CRYBA4: variants seen among roughly 807,000 people sequenced by gnomAD.
CRYBA4 encodes crystallin beta A4.
In CRYBA4, 30 loss-of-function variants were observed where a neutral mutation model predicts 31.7. The ratio of observed to expected loss-of-function variants is 0.95; its 90% CI spans 0.71 to 1.28. The LOEUF (loss-of-function observed/expected upper bound fraction) is 1.28. Among genes scored for constraint, CRYBA4 ranks in the 50% most tolerant of loss-of-function variants. CRYBA4 has a pLI of 0.00. For missense variants in CRYBA4, 225 were observed against 260.7 expected (o/e 0.86, Z 0.94); for synonymous variants, 102 against 102.3 (o/e 1.00, Z 0.02).
chr22:26,610,836 C>T, the CRYBA4 span, among the ~76,000 whole-genome samples: 1 of 152,164 alleles, frequency 6.6e-6, no homozygotes, highest in African/African-American at 2.4e-5. Context: ...GCACACTGAA[C>T]AAGGCAAACA....
upstream of CRYBA4, chr22:26,617,915 C>T (rs1243401243): frequency 6.5e-6 from 1 of 153,580 alleles, no homozygotes; most frequent in Non-Finnish European, 1.5e-5. Flanking sequence ...CTCCCTCTCT[C>T]TGTCTCCCTT....
the CRYBA4 span, chr22:26,599,618 C>T: frequency 6.2e-7 from 1 of 1,614,220 alleles, no homozygotes; most frequent in Non-Finnish European, 8.5e-7. Context: ...CGGAAGTCAC[C>T]AGGCTCTAGG....
chr22:26,624,025 G>A (rs1419347604), intron 3 of CRYBA4, among the ~76,000 whole-genome samples: 1 of 152,224 alleles, frequency 6.6e-6, no homozygotes, highest in Non-Finnish European at 1.5e-5. Flanking sequence ...ATTTATTTAA[G>A]TTTAAATTTA....
intron 4 of CRYBA4, 57 bp downstream of exon 4, chr22:26,625,679 C>T (rs928970452): frequency 1.1e-5 from 17 of 1,571,306 alleles, no homozygotes; most frequent in Middle Eastern, 1.8e-4. Flanking sequence ...GTGGGCACTT[C>T]GGAATCAAAG....
intron 3 of CRYBA4, among the ~76,000 whole-genome samples, chr22:26,624,494 TTGGAGTCACTTAA>T (rs1273765199): frequency 6.6e-6 from 1 of 152,184 alleles, no homozygotes; most frequent in Non-Finnish European, 1.5e-5. Context: ...GATAGGAGAT[TTGGAGTCACTTAA>T]TGCTACACCT....
chr22:26,594,186 C>G, the CRYBA4 span, among the ~76,000 whole-genome samples: 1 of 152,182 alleles, frequency 6.6e-6, no homozygotes, highest in African/African-American at 2.4e-5. Flanking sequence ...ATTCGTTGAT[C>G]CTAAGTATCT....
chr22:26,592,319 C>G, the CRYBA4 span, among the ~76,000 whole-genome samples: 2 of 152,218 alleles, frequency 1.3e-5, no homozygotes, highest in African/African-American at 4.8e-5. Context: ...GGCACAGATT[C>G]AGCAGCTAAC....
upstream of CRYBA4, among the ~76,000 whole-genome samples, chr22:26,620,923 C>T (rs759062549): frequency 3.3e-5 from 5 of 152,172 alleles, no homozygotes; most frequent in Non-Finnish European, 5.9e-5. Context: ...GGTGTGGCCA[C>T]TTTACAGGTC....
chr22:26,598,567 A>G, the CRYBA4 span, among the ~76,000 whole-genome samples: 2 of 151,970 alleles, frequency 1.3e-5, 1 homozygote, highest in Admixed American at 1.3e-4. Context: ...GAATTTTTGT[A>G]GAGATGGGGT....
At chr22:26,603,349 G>C in the CRYBA4 span, among the ~76,000 whole-genome samples, 1 of 151,604 alleles carries the variant, frequency 6.6e-6, no homozygotes, top group Non-Finnish European at 1.5e-5. Flanking sequence ...GGCCAACATG[G>C]TGAAACCCCA....
the CRYBA4 span, among the ~76,000 whole-genome samples, chr22:26,613,556 T>C: frequency 6.6e-6 from 1 of 152,214 alleles, no homozygotes; most frequent in Non-Finnish European, 1.5e-5. Flanking sequence ...ATTGTAAAGA[T>C]TTCATGGACA....
upstream of CRYBA4, chr22:26,621,913 C>G (rs1039416574): frequency 5.2e-6 from 5 of 970,190 alleles, no homozygotes; most frequent in Admixed American, 6.2e-5. Flanking sequence ...CCCAGGGGCC[C>G]CTCTTCCCTC....
At chr22:26,595,402 C>A in the CRYBA4 span, among the ~76,000 whole-genome samples, 7 of 151,902 alleles carry the variant, frequency 4.6e-5, no homozygotes, top group South Asian at 2.1e-4. Context: ...CATGGAAAAA[C>A]CCCCGTCTCT....
the CRYBA4 span, among the ~76,000 whole-genome samples, chr22:26,603,862 T>G: frequency 6.6e-6 from 1 of 152,072 alleles, no homozygotes; most frequent in Non-Finnish European, 1.5e-5. Flanking sequence ...AGGCAGAGGT[T>G]GCAGTGAGCC....
upstream of CRYBA4, among the ~76,000 whole-genome samples, chr22:26,619,651 C>T (rs910640279): frequency 6.6e-6 from 1 of 152,228 alleles, no homozygotes; most frequent in African/African-American, 2.4e-5. Flanking sequence ...AGCACCCCCT[C>T]GCTTCCTAGC....
intron 3 of CRYBA4, among the ~76,000 whole-genome samples, chr22:26,624,376 T>A (rs772700638): frequency 1.2e-4 from 18 of 151,974 alleles, no homozygotes; most frequent in Non-Finnish European, 1.8e-4. Flanking sequence ...ATGTGGCCAG[T>A]AGCTACCATA....
At chr22:26,592,915 G>C in the CRYBA4 span, among the ~76,000 whole-genome samples, 1 of 152,144 alleles carries the variant, frequency 6.6e-6, no homozygotes, top group Non-Finnish European at 1.5e-5. Context: ...CTAAGGAGGA[G>C]GATCAGAATG....
the CRYBA4 span, among the ~76,000 whole-genome samples, chr22:26,605,534 C>T: frequency 2.6e-5 from 4 of 151,870 alleles, no homozygotes; most frequent in Non-Finnish European, 5.9e-5. Flanking sequence ...ATTATCTGGG[C>T]GTGGCGGTGC....
the CRYBA4 span, among the ~76,000 whole-genome samples, chr22:26,615,212 C>G: frequency 6.6e-6 from 1 of 152,150 alleles, no homozygotes; most frequent in East Asian, 1.9e-4. Context: ...GAAACCACAC[C>G]AAACCAAATC....
Sources: gnomAD v4.1 joint callset for allele counts (sites outside exome capture counted in the v4.1 genomes callset) on GRCh38, gnomAD v4.1.1 for gene constraint, MANE v1.5 for transcripts, NCBI Gene and HGNC (gene_info 2026-07-23, HGNC 2026-07-21) for gene names.